The following PCDH9 variants were observed in gnomAD, a reference collection of about 807,000 sequenced individuals.
PCDH9 encodes protocadherin 9.
In PCDH9, 24 loss-of-function variants were observed where a neutral mutation model predicts 70.6. That is an observed-to-expected ratio of 0.34 (90% CI 0.25 to 0.48). The LOEUF is 0.48. PCDH9 is among the 20% of genes least tolerant of loss of function. The probability of loss-of-function intolerance (pLI) is 0.99; values close to 1 mark genes in which losing one functional copy is unlikely to be tolerated. For synonymous variants in PCDH9, 562 were observed against 558.5 expected, an observed-to-expected ratio of 1.01 and a Z score of -0.09; for missense variants, 1,281 against 1,503.6, an observed-to-expected ratio of 0.85 and a Z score of 2.45.
intron 3 of PCDH9, among the ~76,000 whole-genome samples, chr13:66,849,056 A>T (rs1168990083): frequency 6.6e-6 from 1 of 151,998 alleles, no homozygotes; most frequent in Non-Finnish European, 1.5e-5. Flanking sequence ...CTAATAAATT[A>T]GCGTTTTAGA....
chr13:66,573,733 G>GTTT (rs937314923), intron 4 of PCDH9, among the ~76,000 whole-genome samples: 2 of 138,926 alleles, frequency 1.4e-5, no homozygotes, highest in East Asian at 4.1e-4. Context: ...GAGCAGTTGG[G>GTTT]TTTTTTTGTT....
chr13:67,213,791 G>A (rs1292956038), intron 2 of PCDH9: 2 of 152,016 alleles, frequency 1.3e-5, no homozygotes, highest in East Asian at 1.9e-4. Flanking sequence ...TATAAAACTA[G>A]AACTAAACTA....
intron 4 of PCDH9, among the ~76,000 whole-genome samples, chr13:66,487,914 T>C (rs7323944): frequency 0.12 from 18,147 of 152,100 alleles, 1,269 homozygotes; most frequent in Middle Eastern, 0.21. Flanking sequence ...CCAGAAGATA[T>C]CTCACTCTGG....
intron 4 of PCDH9, among the ~76,000 whole-genome samples, chr13:66,308,800 A>G (rs80348394): frequency 0.025 from 3,836 of 152,078 alleles, 163 homozygotes; most frequent in African/African-American, 0.087. Flanking sequence ...TGAGATCACT[A>G]GAAGAGAACT....
intron 4 of PCDH9, among the ~76,000 whole-genome samples, chr13:66,425,429 C>T (rs576249916): frequency 1.3e-5 from 2 of 151,328 alleles, no homozygotes; most frequent in South Asian, 2.1e-4. Flanking sequence ...AGAATTGAAA[C>T]AAAATGCAGC....
intron 4 of PCDH9, among the ~76,000 whole-genome samples, chr13:66,446,225 C>G (rs1958087227): frequency 6.6e-6 from 1 of 151,964 alleles, no homozygotes; most frequent in Non-Finnish European, 1.5e-5. Context: ...GTTCCAGTGT[C>G]CAGCTGGTTA....
rs371889718 is a variant in PCDH9 at position 67,228,199 on chromosome 13, C to T, written c.242G>A (p.Ser81Asn). ...GGAGGTTGTGAAAATTTCCCCAGTG[C>T]TGCTGGAAACTTTCACCAAAGGGGC... ...GDAPLVKVSSSTGEIFTTSNR... is the reference protein window; with the variant it reads ...GDAPLVKVSSNTGEIFTTSNR... The change falls in exon 2 of 5, where the codon AGC becomes AAC. Residue 81 changes from serine (S) to asparagine (N), a missense_variant. Physicochemically the swap from Ser to Asn is conservative, Grantham distance 46. Transcript: ENST00000377865. The T allele has an allele frequency of 7.4e-6, 12 of 1,612,836 alleles. No homozygotes were observed. The South Asian group carries it at 1.2e-4, about 16-fold the overall frequency.
At chr13:66,508,000 C>T (rs1959267189) in intron 4 of PCDH9, among the ~76,000 whole-genome samples, 3 of 152,090 alleles carry the variant, frequency 2.0e-5, no homozygotes, top group South Asian at 4.1e-4. Context: ...GGATTACAGG[C>T]GTGAGCCATC....
chr13:67,123,511 G>T (rs2086915991), intron 2 of PCDH9, among the ~76,000 whole-genome samples: 1 of 152,142 alleles, frequency 6.6e-6, no homozygotes, highest in African/African-American at 2.4e-5. Context: ...ACTAGCTAAA[G>T]ACTTCATTTG....
intron 3 of PCDH9, among the ~76,000 whole-genome samples, chr13:66,808,840 T>A (rs1336276358): frequency 1.3e-5 from 2 of 152,170 alleles, no homozygotes; most frequent in Non-Finnish European, 2.9e-5. Context: ...TTACCCACGA[T>A]TACTAAAAGC....
At chr13:66,433,442 C>CT (rs1405972576) in intron 4 of PCDH9, among the ~76,000 whole-genome samples, 2 of 149,922 alleles carry the variant, frequency 1.3e-5, no homozygotes, top group Admixed American at 6.6e-5. Flanking sequence ...GAAAACCTTC[C>CT]TTTTTTTTCA....
chr13:66,729,945 C>T (rs1229589383), intron 3 of PCDH9, among the ~76,000 whole-genome samples: 1 of 152,124 alleles, frequency 6.6e-6, no homozygotes, highest in Non-Finnish European at 1.5e-5. Flanking sequence ...CATCTTTTTC[C>T]ATCTTTGCCC....
chr13:67,217,715 C>T (rs2089639211), intron 2 of PCDH9: 1 of 152,056 alleles, frequency 6.6e-6, no homozygotes, highest in Non-Finnish European at 1.5e-5. Flanking sequence ...ACCCAGGCCT[C>T]TTCATTATGG....
At chr13:66,561,853 G>A (rs1432118676) in intron 4 of PCDH9, among the ~76,000 whole-genome samples, 3 of 152,118 alleles carry the variant, frequency 2.0e-5, no homozygotes, top group East Asian at 3.9e-4. Context: ...CGAGTCAGCA[G>A]TGGCAACCCG....
intron 3 of PCDH9, among the ~76,000 whole-genome samples, chr13:66,852,036 T>G (rs1426343422): frequency 6.6e-6 from 1 of 151,938 alleles, no homozygotes; most frequent in Admixed American, 6.6e-5. Flanking sequence ...ATAGGGACTT[T>G]AATTCTATCA....
chr13:66,327,933 A>G (rs1468180448), intron 4 of PCDH9, among the ~76,000 whole-genome samples: 2 of 152,188 alleles, frequency 1.3e-5, no homozygotes, highest in Non-Finnish European at 2.9e-5. Context: ...CTCTAAAGCT[A>G]TATTTCTCCA....
At chr13:67,013,723 C>A (rs17791031) in intron 2 of PCDH9, among the ~76,000 whole-genome samples, 24 of 105,906 alleles carry the variant, frequency 2.3e-4, no homozygotes, top group South Asian at 5.8e-4. Flanking sequence ...TGATGGATAA[C>A]AAAAAAAAAT....
chr13:67,117,273 G>C (rs73509435), intron 2 of PCDH9, among the ~76,000 whole-genome samples: 1 of 152,162 alleles, frequency 6.6e-6, no homozygotes, highest in East Asian at 1.9e-4. Flanking sequence ...TATTGAAGGC[G>C]AGAGTAGGGA....
chr13:66,415,379 A>G (rs1255360058), intron 4 of PCDH9, among the ~76,000 whole-genome samples: 6 of 152,142 alleles, frequency 3.9e-5, no homozygotes, highest in Non-Finnish European at 1.5e-5. Context: ...AACATTTCAG[A>G]TTTATTAACC....
Sources: gnomAD v4.1 joint callset for allele counts (sites outside exome capture counted in the v4.1 genomes callset) on GRCh38, gnomAD v4.1.1 for gene constraint, MANE v1.5 for transcripts, NCBI Gene and HGNC (gene_info 2026-07-23, HGNC 2026-07-21) for gene names.